PRELID2: variants seen among roughly 807,000 people sequenced by gnomAD.
PRELID2 encodes the protein PRELI domain-containing protein 2.
Under a neutral mutation model 28.4 loss-of-function variants are expected in PRELID2, and 25 were observed. The ratio of observed to expected loss-of-function variants is 0.88; its 90% CI spans 0.64 to 1.23. PRELID2 has a LOEUF of 1.23. Ranked by LOEUF, PRELID2 falls within the 50% of genes most tolerant of loss-of-function variation. The pLI is 0.00. For missense variants in PRELID2, 201 were observed against 214.4 expected, an observed-to-expected ratio of 0.94 and a Z score of 0.39; for synonymous variants, 76 against 71.6, an observed-to-expected ratio of 1.06 and a Z score of -0.31.
At chr5:145,229,540 C>T in the PRELID2 span, 12 of 1,471,680 alleles carry the variant, frequency 8.2e-6, no homozygotes, top group South Asian at 1.4e-4. Context: ...TCAAGGATGG[C>T]ACCACCCACC....
rs147201070 is a variant in PRELID2, at chr5:145,666,043, C to A, written n.70+98888G>T. ...AGTACTATTTATTCTCTTATGTTAA[C>A]AAAAATTTGGAGATAGAGTCTTCAG... is the stretch of plus-strand genomic sequence containing the variant. On this transcript the variant is annotated intron_variant and non_coding_transcript_variant, in intron 1 of 2. Transcript: ENST00000510259. Among the ~76,000 whole-genome samples the A allele has an allele frequency of 4.4e-4, 65 of 148,650 alleles. No individual in the cohort carries two copies. The East Asian group carries it at 0.012, about 29-fold the overall frequency.
chr5:145,704,967 G>A (rs1242467997), intron 1 of PRELID2, among the ~76,000 whole-genome samples: 1 of 152,118 alleles, frequency 6.6e-6, no homozygotes, highest in Non-Finnish European at 1.5e-5. Flanking sequence ...CTGAGCCCAG[G>A]GGTTGCAGGG....
chr5:145,753,932 C>T (rs1360966951), downstream of PRELID2, among the ~76,000 whole-genome samples: 1 of 152,146 alleles, frequency 6.6e-6, no homozygotes, highest in African/African-American at 2.4e-5. Context: ...TTTCCACCTT[C>T]CTCAGTCTTT....
chr5:145,547,442 C>T lies in PRELID2; in HGVS notation n.71-74127G>A, dbSNP rs1192674262. ...GGTGAAAAACACTGGCTTGCATTTCCTGATATTTCTAAAATAAACTTACAC... is the reference window on the plus strand; with the variant it reads ...GGTGAAAAACACTGGCTTGCATTTCTTGATATTTCTAAAATAAACTTACAC... On this transcript the variant is annotated intron_variant and non_coding_transcript_variant, in intron 1 of 2. Coordinates refer to the PRELID2 transcript ENST00000510259. Among the ~76,000 whole-genome samples, 3 of 152,060 alleles carry T rather than the reference C, an allele frequency of 2.0e-5. No individual in the cohort carries two copies. The East Asian group carries it at 5.8e-4, about 29-fold the overall frequency.
Position 145,817,899 on chromosome 5 carries a change from TG to T in PRELID2, c.362del (p.Pro121GlnfsTer24). 6.5e-7 allele frequency: 1 copy of T among 1,546,406 alleles called. No homozygotes were observed. Among genetic ancestry groups the T allele is most frequent in the Non-Finnish European group, 8.7e-7 (1 of 1,149,316 alleles). ...CATATACACACGAGTCTTACCAATT[TG>T]GGTTTTCCATACTTTCCCGGAAGAC... is the stretch of plus-strand genomic sequence containing the variant. ...ESVFRESMEN[P>X]NWTEFIQRGR... is the part of the protein sequence containing the mutation. On this transcript the variant is annotated frameshift_variant, in exon 4 of 7. Transcript: ENST00000683046. LOFTEE classifies it high-confidence loss of function.
intron 1 of PRELID2, among the ~76,000 whole-genome samples, chr5:145,743,951 C>G (rs1277255640): frequency 6.6e-6 from 1 of 152,204 alleles, no homozygotes; most frequent in Non-Finnish European, 1.5e-5. Context: ...AGGGCAGCGC[C>G]CATCTCCATA....
the PRELID2 span, among the ~76,000 whole-genome samples, chr5:145,354,938 T>C: frequency 1.3e-5 from 2 of 152,142 alleles, no homozygotes; most frequent in East Asian, 1.9e-4. Context: ...TTCTTAAACA[T>C]GAGGTATATC....
the PRELID2 span, among the ~76,000 whole-genome samples, chr5:145,360,238 T>A: frequency 6.6e-6 from 1 of 152,062 alleles, no homozygotes; most frequent in East Asian, 1.9e-4. Flanking sequence ...CAAGGGTAGG[T>A]CGGCACCACC....
At chr5:145,751,831 A>C (rs188165757), downstream of PRELID2, among the ~76,000 whole-genome samples, 381 of 152,046 alleles carry the variant, frequency 2.5e-3, 2 homozygotes, top group African/African-American at 8.8e-3. Context: ...AAAATACAAA[A>C]ATTAGCTAGG....
intron 1 of PRELID2, among the ~76,000 whole-genome samples, chr5:145,612,562 C>G (rs189207145): frequency 1.9e-3 from 287 of 152,164 alleles, no homozygotes; most frequent in Non-Finnish European, 3.0e-3. Context: ...ACCCATCACC[C>G]AAGCAGTATA....
intron 1 of PRELID2, among the ~76,000 whole-genome samples, chr5:145,743,098 G>T (rs993293430): frequency 6.6e-6 from 1 of 151,966 alleles, no homozygotes; most frequent in Non-Finnish European, 1.5e-5. Flanking sequence ...AGAAATGGGG[G>T]TGATAGAGGC....
the PRELID2 span, among the ~76,000 whole-genome samples, chr5:145,432,014 C>T: frequency 2.6e-4 from 39 of 152,118 alleles, no homozygotes; most frequent in South Asian, 6.0e-3. Flanking sequence ...CATGTAATTA[C>T]CTAGAACATA....
chr5:145,600,977 T>C (rs2195937), intron 1 of PRELID2, among the ~76,000 whole-genome samples: 29,343 of 151,866 alleles, frequency 0.19, 5,013 homozygotes, highest in African/African-American at 0.45. Context: ...GAGCAAAACA[T>C]TGTCTCTACA....
the PRELID2 span, among the ~76,000 whole-genome samples, chr5:145,335,454 T>G: frequency 6.6e-6 from 1 of 152,156 alleles, no homozygotes; most frequent in South Asian, 2.1e-4. Flanking sequence ...TGTCAGGTAC[T>G]TCATAGATCT....
the PRELID2 span, among the ~76,000 whole-genome samples, chr5:145,251,643 C>A: frequency 3.9e-5 from 6 of 152,152 alleles, no homozygotes; most frequent in Non-Finnish European, 5.9e-5. Flanking sequence ...ATTATTTGAG[C>A]CCTGGATACC....
chr5:145,295,808 C>T, the PRELID2 span, among the ~76,000 whole-genome samples: 205 of 151,998 alleles, frequency 1.3e-3, 4 homozygotes, highest in East Asian at 0.034. Context: ...TAAGAAAATA[C>T]ATTAATAAAC....
the PRELID2 span, among the ~76,000 whole-genome samples, chr5:145,364,299 C>T: frequency 1.3e-5 from 2 of 151,914 alleles, no homozygotes; most frequent in East Asian, 1.9e-4. Context: ...ATATTTTTGG[C>T]ATCTGGGGGA....
rs1235322033 is a variant in PRELID2 at position 145,761,540 on chromosome 5, CCAAA to C, written c.*11-1019_*11-1016del. On this transcript the variant is annotated intron_variant, in intron 6 of 6. Transcript: ENST00000683046. ...TGATCAAACACTATATTTTGAAAGG[CCAAA>C]CAATCACCACAACACTCCTTGATGT... is the stretch of plus-strand genomic sequence containing the variant. Among the ~76,000 whole-genome samples the C allele has an allele frequency of 5.3e-5, 8 of 152,112 alleles. No individual in the cohort carries two copies. The South Asian group carries it at 6.2e-4, about 12-fold the overall frequency.
the PRELID2 span, among the ~76,000 whole-genome samples, chr5:145,271,153 G>T: frequency 2.0e-5 from 3 of 152,116 alleles, no homozygotes; most frequent in Non-Finnish European, 4.4e-5. Flanking sequence ...GACAGGTGAA[G>T]ATTATGGGGA....
Sources: allele counts gnomAD v4.1 joint callset (sites outside exome capture counted in the v4.1 genomes callset), GRCh38; gene constraint gnomAD v4.1.1; transcripts MANE v1.5; gene names NCBI Gene and HGNC (gene_info 2026-07-23, HGNC 2026-07-21).